The following CCDC144A variants were observed in gnomAD, a reference collection of about 807,000 sequenced individuals.
CCDC144A encodes coiled-coil domain-containing protein 144A.
Under a neutral mutation model 143.8 loss-of-function variants are expected in CCDC144A, and 41 were observed. The observed-to-expected ratio is 0.29, with a 90% CI of 0.22 to 0.37. The LOEUF is 0.37. CCDC144A is among the 10% of genes least tolerant of loss of function. The pLI, the probability that CCDC144A is intolerant of heterozygous loss-of-function variation, is 1.00. For synonymous variants in CCDC144A, 242 were observed against 517.9 expected (o/e 0.47, Z 7.23); for missense variants, 637 against 1,488.8 (o/e 0.43, Z 9.41).
Position 16,708,801 on chromosome 17 carries a change from G to A in CCDC144A, c.744G>A (p.Thr248=), listed in dbSNP as rs777089666. 32 of 1,611,710 alleles carry A rather than the reference G, an allele frequency of 2.0e-5. No homozygotes were observed. Among genetic ancestry groups the A allele is most frequent in the Middle Eastern group, 4.5e-4 (2 of 4,430 alleles). The change falls in exon 5 of 17, where the codon ACG becomes ACA. Residue 248 remains threonine, a synonymous_variant. Transcript: ENST00000399273. ...KGCENKQPQK[T]SQEPEMAKDC... Reference sequence around the variant, plus strand: ...TTCCACTTTTGCATCTGCAGAAAACGTCTCAAGAACCAGAAATGGCTAAGG... The same window carrying A: ...TTCCACTTTTGCATCTGCAGAAAACATCTCAAGAACCAGAAATGGCTAAGG...
intron 12 of CCDC144A, among the ~76,000 whole-genome samples, chr17:16,759,005 G>A (rs1222872122): frequency 2.0e-5 from 3 of 152,210 alleles, no homozygotes; most frequent in Non-Finnish European, 4.4e-5. Flanking sequence ...ATCTTTAAGG[G>A]AATTTGAGGC....
At chr17:16,680,229 G>C in the CCDC144A span, among the ~76,000 whole-genome samples, 1 of 151,926 alleles carries the variant, frequency 6.6e-6, no homozygotes, top group Non-Finnish European at 1.5e-5. Flanking sequence ...AGGCATTCGA[G>C]ACCAGCCTGG....
At chr17:16,765,809 A>T (rs1915570515) in intron 15 of CCDC144A, 1 of 152,280 alleles carries the variant, frequency 6.6e-6, no homozygotes, top group African/African-American at 2.4e-5. Flanking sequence ...ATCAGCGTCC[A>T]AATGCCTCAG....
chr17:16,734,559 C>T (rs1196204276), intron 11 of CCDC144A, 131 bp from the exon 12 acceptor site: 5 of 636,782 alleles, frequency 7.9e-6, no homozygotes, highest in Middle Eastern at 3.6e-4. Flanking sequence ...TTTGAAGTTT[C>T]GATAGAATAT....
At chr17:16,681,066 A>C in the CCDC144A span, among the ~76,000 whole-genome samples, 1 of 152,088 alleles carries the variant, frequency 6.6e-6, no homozygotes, top group Non-Finnish European at 1.5e-5. Context: ...TTAAAATGTT[A>C]TCGAGGTAGA....
intron 5 of CCDC144A, among the ~76,000 whole-genome samples, chr17:16,711,151 AAAAAAAAC>A (rs1426227213): frequency 6.4e-5 from 9 of 141,414 alleles, no homozygotes; most frequent in Admixed American, 2.2e-4. Context: ...AAAAAAAAAA[AAAAAAAAC>A]AAAAGTTAGT....
chr17:16,713,412 C>T (rs1912560764), intron 6 of CCDC144A, among the ~76,000 whole-genome samples: 1 of 152,074 alleles, frequency 6.6e-6, no homozygotes, highest in African/African-American at 2.4e-5. Flanking sequence ...TATTTTTCAA[C>T]AGTAGCTTCA....
intron 8 of CCDC144A, among the ~76,000 whole-genome samples, chr17:16,722,718 T>C (rs966695840): frequency 2.0e-5 from 3 of 152,216 alleles, no homozygotes; most frequent in Non-Finnish European, 2.9e-5. Context: ...CCACTGACTT[T>C]TTTTACTGTG....
At chr17:16,672,652 T>G in the CCDC144A span, among the ~76,000 whole-genome samples, 1 of 152,104 alleles carries the variant, frequency 6.6e-6, no homozygotes, top group South Asian at 2.1e-4. Flanking sequence ...AAACCAATAA[T>G]TTATCATTGT....
rs1483106749 is a variant in CCDC144A, at chr17:16,777,170, A to G, written c.*3537A>G. On this transcript the variant is annotated 3_prime_UTR_variant, in exon 17 of 17. Transcript: ENST00000399273. ...TTCAACAGGAAAATATCACAGTCCT[A>G]AATATATATGCACCTAATACTGGAG... is the stretch of plus-strand genomic sequence containing the variant. 3 of 138,120 alleles carry G rather than the reference A, an allele frequency of 2.2e-5. No individual in the cohort carries two copies. The highest frequency in any genetic ancestry group is 3.1e-5 in the Non-Finnish European group (2 of 65,174). The allele number at this position is 138,120 out of a possible 1,614,324, so 8.6% of individuals were successfully genotyped here.
intron 2 of CCDC144A, chr17:16,695,300 C>T (rs1911333398): frequency 6.6e-6 from 1 of 152,124 alleles, no homozygotes; most frequent in African/African-American, 2.4e-5. Context: ...TTTAAAAATA[C>T]TGCTGGGGCC....
chr17:16,717,296 A>G (rs1394399418), intron 6 of CCDC144A, among the ~76,000 whole-genome samples: 1 of 146,772 alleles, frequency 6.8e-6, no homozygotes, highest in Admixed American at 6.9e-5. Context: ...TATTTTTAGT[A>G]GAGATGGGTT....
intron 12 of CCDC144A, among the ~76,000 whole-genome samples, chr17:16,748,378 A>G (rs1230541030): frequency 6.6e-6 from 1 of 152,144 alleles, no homozygotes; most frequent in Non-Finnish European, 1.5e-5. Context: ...CATTCTGTTT[A>G]TGTGGTGAAA....
upstream of CCDC144A, among the ~76,000 whole-genome samples, chr17:16,686,284 C>A (rs1418335364): frequency 6.6e-6 from 1 of 152,040 alleles, no homozygotes; most frequent in African/African-American, 2.4e-5. Context: ...TCCCTCCATG[C>A]TGGCACCATA....
At chr17:16,722,845 G>A (rs1443916286) in intron 8 of CCDC144A, among the ~76,000 whole-genome samples, 1 of 151,984 alleles carries the variant, frequency 6.6e-6, no homozygotes, top group Admixed American at 6.6e-5. Flanking sequence ...GTCTTCTCAT[G>A]GCATGATAGC....
At chr17:16,683,919 A>C in the CCDC144A span, 1 of 1,305,306 alleles carries the variant, frequency 7.7e-7, no homozygotes, top group Non-Finnish European at 1.1e-6. Context: ...GGGCGTAGAA[A>C]GCCACGAGCA....
intron 15 of CCDC144A, among the ~76,000 whole-genome samples, chr17:16,771,085 T>G (rs1320226581): frequency 5.9e-5 from 9 of 152,214 alleles, no homozygotes; most frequent in Non-Finnish European, 7.3e-5. Flanking sequence ...GTTCTAGGCA[T>G]TTAGTGAGAG....
rs1363334940 is a variant in CCDC144A, at chr17:16,705,304, A to G, written c.569A>G (p.Glu190Gly). 3.8e-6 allele frequency: 4 copies of G among 1,061,416 alleles called. No homozygotes were observed. The highest frequency in any genetic ancestry group is 5.9e-6 in the Non-Finnish European group (4 of 683,706). The allele number at this position is 1,061,416 out of a possible 1,614,324, so 65.7% of individuals were successfully genotyped here. Residue 190 changes from glutamate to glycine, a missense_variant, in exon 3 of 17, where the codon GAA (glutamate) becomes GGA (glycine). Glu to Gly is a moderately conservative substitution (Grantham distance 98). Transcript: ENST00000399273. Reference sequence around the variant, plus strand: ...GGACAGATGAACTTAACAGAACGAGAAAAGATGGACACTGGAGTTGTACTT... The same window carrying G: ...GGACAGATGAACTTAACAGAACGAGGAAAGATGGACACTGGAGTTGTACTT... The part of the protein sequence containing the change: ...ELGQMNLTER[E>G]KMDTGVVLLS...
intron 2 of CCDC144A, among the ~76,000 whole-genome samples, chr17:16,694,894 C>T (rs2621657): frequency 2.6e-5 from 4 of 152,350 alleles, no homozygotes; most frequent in East Asian, 1.9e-4. Flanking sequence ...AAGATTATCA[C>T]AATAAATATT....
Sources: allele counts gnomAD v4.1 joint callset (sites outside exome capture counted in the v4.1 genomes callset), GRCh38; gene constraint gnomAD v4.1.1; transcripts MANE v1.5; gene names NCBI Gene and HGNC (gene_info 2026-07-23, HGNC 2026-07-21).